The following TVP23A variants were observed in gnomAD, a reference collection of about 807,000 sequenced individuals.
TVP23A encodes the protein trans-golgi network vesicle protein 23 homolog A, also known as Golgi apparatus membrane protein TVP23 homolog A.
In TVP23A, 21 loss-of-function variants were observed where a neutral mutation model predicts 31.7. The ratio of observed to expected loss-of-function variants is 0.66; its 90% CI spans 0.47 to 0.95. The LOEUF (loss-of-function observed/expected upper bound fraction) is 0.95. Among genes scored for constraint, TVP23A ranks in the 40% least tolerant of loss-of-function variants. The pLI, the probability that TVP23A is intolerant of heterozygous loss-of-function variation, is 0.00. For synonymous variants in TVP23A, 104 were observed against 96.0 expected (o/e 1.08, Z -0.49); for missense variants, 279 against 255.6 (o/e 1.09, Z -0.62).
At chr16:10,763,800 C>G (rs1488413305), downstream of TVP23A, 1 of 156,594 alleles carries the variant, frequency 6.4e-6, no homozygotes, top group East Asian at 1.9e-4. Flanking sequence ...CGTTAGCCCA[C>G]GATGAAGGAG....
At position 10,818,548 on chromosome 16, in the gene TVP23A, C is replaced by T; in HGVS notation, c.-55G>A. 1.9e-6 allele frequency: 3 copies of T among 1,585,080 alleles called. No individual in the cohort carries two copies. Among genetic ancestry groups the T allele is most frequent in the Non-Finnish European group, 2.6e-6 (3 of 1,172,346 alleles). Reference sequence around the variant, plus strand: ...GGCCCGGGGCTCCAGCTCCGCCCGTCGCCGCTGAAGGGGTCGGACGCCGGG... The same window carrying T: ...GGCCCGGGGCTCCAGCTCCGCCCGTTGCCGCTGAAGGGGTCGGACGCCGGG... On this transcript the variant is annotated 5_prime_UTR_variant, in exon 1 of 8. Coordinates refer to ENST00000299866, the MANE Select transcript of TVP23A (RefSeq NM_001079512.4). This position sits in a 1 kb window ranked among gnomAD's most constrained non-coding sequence, Gnocchi z 4.7.
At chr16:10,804,242 C>T (rs2033839728) in intron 2 of TVP23A, among the ~76,000 whole-genome samples, 2 of 152,190 alleles carry the variant, frequency 1.3e-5, no homozygotes, top group Non-Finnish European at 2.9e-5. Flanking sequence ...AATTCCAACT[C>T]AAGGCCTCTT....
At chr16:10,803,780 G>A (rs2033820401) in intron 2 of TVP23A, among the ~76,000 whole-genome samples, 1 of 152,124 alleles carries the variant, frequency 6.6e-6, no homozygotes, top group Non-Finnish European at 1.5e-5. Flanking sequence ...TTGGGGTTGT[G>A]GGAGCTAAGG....
At chr16:10,774,925 T>C (rs775365328) in intron 3 of TVP23A, 27 bp downstream of exon 3, 5 of 1,603,280 alleles carry the variant, frequency 3.1e-6, no homozygotes, top group East Asian at 2.2e-5. Flanking sequence ...GTTTCGGAAG[T>C]GATGACATCA....
In TVP23A at chr16:10,811,144, C is replaced by T. The variant is rs988460322; in HGVS notation, c.89+6959G>A. On this transcript the variant is annotated intron_variant, in intron 2 of 7. Transcript: ENST00000299866. ...TGATGGGTACAGGGCTCCCATTTGGCGCAGTGAAAAACTTCTGGAACTACA... is the reference window on the plus strand; with the variant it reads ...TGATGGGTACAGGGCTCCCATTTGGTGCAGTGAAAAACTTCTGGAACTACA... 9.9e-5 allele frequency among the ~76,000 whole-genome samples: 15 copies of T among 152,108 alleles called. No homozygotes were observed. In the South Asian group the frequency reaches 1.5e-3, roughly 15 times the overall value.
In TVP23A at chr16:10,768,885, CG is replaced by C. The variant is rs2031290010; in HGVS notation, c.*216del. The C allele has an allele frequency of 1.1e-5, 7 of 616,802 alleles. No individual in the cohort carries two copies. In the East Asian group the frequency reaches 1.9e-4, roughly 17 times the overall value. The allele number at this position is 616,802 out of a possible 1,614,324, so 38.2% of individuals were successfully genotyped here. ...GCAAGATGGGTAGTGTGAGGTATTC[CG>C]GTCACTTTCAAAGACTCAGGGCATC... On this transcript the variant is annotated 3_prime_UTR_variant, in exon 8 of 8. Coordinates refer to ENST00000299866, the MANE Select transcript of TVP23A (RefSeq NM_001079512.4). The surrounding 1 kb of genome is among the most constrained non-coding windows in gnomAD (Gnocchi z 4.3).
chr16:10,774,151 T>A, intron 3 of TVP23A, 23 bp from the exon 4 acceptor site: 1 of 1,572,388 alleles, frequency 6.4e-7, no homozygotes. Flanking sequence ...GACAAAGGAC[T>A]CTGAGCAGGT....
At position 10,767,629 on chromosome 16, in the gene TVP23A, C is replaced by A. The variant is rs867589439; in HGVS notation, c.*1473G>T. 2.3e-6 allele frequency: 1 copy of A among 434,044 alleles called. No individual in the cohort carries two copies. Among genetic ancestry groups the A allele is most frequent in the Admixed American group, 4.0e-5 (1 of 25,016 alleles). The allele number at this position is 434,044 out of a possible 1,614,324, so 26.9% of individuals were successfully genotyped here. On this transcript the variant is annotated 3_prime_UTR_variant, in exon 8 of 8. Coordinates refer to ENST00000299866, the MANE Select transcript of TVP23A (RefSeq NM_001079512.4). This position sits in a 1 kb window ranked among gnomAD's most constrained non-coding sequence, Gnocchi z 4.6. ...TTTTTAACCATGTGCATTCATGATC[C>A]TTTCACTCAAAAGCTAATCTCTTAA...
intron 2 of TVP23A, among the ~76,000 whole-genome samples, chr16:10,795,442 G>C (rs866395038): frequency 2.6e-5 from 4 of 151,820 alleles, no homozygotes; most frequent in South Asian, 4.2e-4. Context: ...GAAGAAATAG[G>C]GTTTCACCAT....
intron 2 of TVP23A, among the ~76,000 whole-genome samples, chr16:10,805,331 C>T (rs1199450798): frequency 6.6e-6 from 1 of 152,020 alleles, no homozygotes; most frequent in African/African-American, 2.4e-5. Flanking sequence ...TGCACCCAGC[C>T]TAATGTGATC....
chr16:10,762,620 G>A (rs1258231256), downstream of TVP23A, among the ~76,000 whole-genome samples: 1 of 152,236 alleles, frequency 6.6e-6, no homozygotes, highest in African/African-American at 2.4e-5. Context: ...CTCGCCTTTA[G>A]GTCTGAGGGG....
chr16:10,760,214 T>C (rs992803656), downstream of TVP23A, among the ~76,000 whole-genome samples: 2 of 152,364 alleles, frequency 1.3e-5, no homozygotes, highest in East Asian at 3.9e-4. Flanking sequence ...AGATAGGAAG[T>C]AGGCGTTGCG....
chr16:10,808,469 T>A (rs1596572234), intron 2 of TVP23A: 1 of 453,700 alleles, frequency 2.2e-6, no homozygotes, highest in Non-Finnish European at 4.4e-6. Flanking sequence ...CTTCTCAATA[T>A]GACATTCACT....
intron 2 of TVP23A, among the ~76,000 whole-genome samples, chr16:10,788,097 T>C (rs907655807): frequency 1.3e-5 from 2 of 152,004 alleles, no homozygotes; most frequent in Non-Finnish European, 1.5e-5. Flanking sequence ...AATCAATACA[T>C]GCAAGATGTA....
chr16:10,758,586 G>T (rs901801704), downstream of TVP23A, among the ~76,000 whole-genome samples: 1 of 152,190 alleles, frequency 6.6e-6, no homozygotes, highest in Non-Finnish European at 1.5e-5. Flanking sequence ...GGTCAAGAAT[G>T]CTTTTTGAAC....
intron 2 of TVP23A, among the ~76,000 whole-genome samples, chr16:10,797,180 C>A (rs950715453): frequency 2.7e-5 from 4 of 150,662 alleles, no homozygotes; most frequent in Admixed American, 2.6e-4. Flanking sequence ...CAGAACAAGA[C>A]CCTGTAGAAA....
chr16:10,762,314 G>T (rs984539161), downstream of TVP23A, among the ~76,000 whole-genome samples: 1 of 152,188 alleles, frequency 6.6e-6, no homozygotes, highest in Non-Finnish European at 1.5e-5. Context: ...AGACCGGAAC[G>T]CGGATCACTG....
chr16:10,800,291 A>C (rs1052856012), intron 2 of TVP23A: 8 of 151,936 alleles, frequency 5.3e-5, no homozygotes, highest in African/African-American at 1.7e-4. Context: ...GGCAGCAAAT[A>C]CTCACTTGTG....
At chr16:10,780,240 G>A (rs2032341120) in intron 2 of TVP23A, among the ~76,000 whole-genome samples, 1 of 152,078 alleles carries the variant, frequency 6.6e-6, no homozygotes, top group Non-Finnish European at 1.5e-5. Context: ...CAGGTGCTGG[G>A]GTGATTACCC....
Sources: allele counts gnomAD v4.1 joint callset (sites outside exome capture counted in the v4.1 genomes callset), GRCh38; gene constraint gnomAD v4.1.1; non-coding constraint Gnocchi (gnomAD v3.1); transcripts MANE v1.5; gene names NCBI Gene and HGNC (gene_info 2026-07-23, HGNC 2026-07-21).